RNF32: variants seen among roughly 807,000 people sequenced by gnomAD.
RNF32 encodes the protein ring finger protein 32.
RNF32 carries 36 observed loss-of-function variants against 41.0 expected under a neutral mutation model. The observed-to-expected ratio is 0.88, with a 90% CI of 0.67 to 1.16. The LOEUF is 1.16. Ranked by LOEUF, RNF32 falls within the 50% of genes most tolerant of loss-of-function variation. The probability of loss-of-function intolerance (pLI) is 0.00; values close to 1 mark genes in which losing one functional copy is unlikely to be tolerated. For missense variants in RNF32, 413 were observed against 436.7 expected (o/e 0.95, Z 0.48); for synonymous variants, 154 against 160.9 (o/e 0.96, Z 0.32).
intron 7 of RNF32, 159 bp downstream of exon 7, chr7:156,658,729 AGTTG>A: frequency 1.3e-6 from 1 of 769,254 alleles, no homozygotes; most frequent in Non-Finnish European, 2.1e-6. Flanking sequence ...GTTTAACTTT[AGTTG>A]GCTTTCCAAC....
chr7:156,663,074 T>C (rs953634167), intron 7 of RNF32, among the ~76,000 whole-genome samples: 10 of 152,096 alleles, frequency 6.6e-5, no homozygotes, highest in Non-Finnish European at 1.3e-4. Flanking sequence ...GATCTCGTGA[T>C]CCACCAGCCT....
chr7:156,667,881 A>G (rs1421157626), intron 7 of RNF32, among the ~76,000 whole-genome samples: 1 of 152,220 alleles, frequency 6.6e-6, no homozygotes, highest in Non-Finnish European at 1.5e-5. Flanking sequence ...ATTTATTAAT[A>G]AGCTAATGTC....
intron 4 of RNF32, among the ~76,000 whole-genome samples, chr7:156,656,543 G>A (rs1229969640): frequency 6.6e-6 from 1 of 152,150 alleles, no homozygotes; most frequent in East Asian, 1.9e-4. Context: ...TCAAGAAAAG[G>A]TTTTACAACT....
intron 3 of RNF32, among the ~76,000 whole-genome samples, chr7:156,648,872 GT>G (rs537351241): frequency 1.2e-4 from 18 of 151,288 alleles, no homozygotes; most frequent in South Asian, 2.1e-4. Context: ...GTTTTGTTTT[GT>G]TTTTTTCACT....
At chr7:156,675,261 T>C (rs1177064691) in intron 7 of RNF32, among the ~76,000 whole-genome samples, 1 of 152,190 alleles carries the variant, frequency 6.6e-6, no homozygotes, top group African/African-American at 2.4e-5. Context: ...GGGTGGTCGG[T>C]GGGAACCACG....
intron 4 of RNF32, among the ~76,000 whole-genome samples, chr7:156,655,824 G>C (rs1417658698): frequency 2.0e-5 from 3 of 152,226 alleles, no homozygotes; most frequent in Non-Finnish European, 2.9e-5. Flanking sequence ...AATAAAGCCA[G>C]AGGGTGTCTT....
intron 3 of RNF32, among the ~76,000 whole-genome samples, chr7:156,645,633 A>G (rs762005959): frequency 1.6e-4 from 24 of 152,266 alleles, no homozygotes; most frequent in Non-Finnish European, 1.2e-4. Context: ...TGCAGAAGGC[A>G]TGTAGGCTAA....
chr7:156,674,222 G>A (rs926728185), intron 7 of RNF32, among the ~76,000 whole-genome samples: 2 of 152,228 alleles, frequency 1.3e-5, no homozygotes, highest in Non-Finnish European at 2.9e-5. Flanking sequence ...AGCCTGTGGG[G>A]CTCGGGAACT....
rs1349450828 is a variant in RNF32 at position 156,643,869 on chromosome 7, T to C, written c.-9T>C. On this transcript the variant is annotated 5_prime_UTR_variant, in exon 2 of 9. Transcript: ENST00000317955. ...GTGATAGCCAAGCAACAACTTTTCC[T>C]AATTCGGCATGTTAAAAAATAAGGT... is the stretch of plus-strand genomic sequence containing the variant. 3.1e-6 allele frequency: 5 copies of C among 1,611,574 alleles called. No individual in the cohort carries two copies. The highest frequency in any genetic ancestry group is 4.2e-6 in the Non-Finnish European group (5 of 1,177,850).
intron 7 of RNF32, among the ~76,000 whole-genome samples, chr7:156,672,248 C>T (rs917821960): frequency 3.9e-5 from 6 of 152,146 alleles, no homozygotes; most frequent in Non-Finnish European, 8.8e-5. Flanking sequence ...CTACTATGGT[C>T]GGTGCGTGTA....
At chr7:156,644,994 T>C (rs1479265732) in intron 3 of RNF32, among the ~76,000 whole-genome samples, 1 of 152,116 alleles carries the variant, frequency 6.6e-6, no homozygotes, top group Non-Finnish European at 1.5e-5. Flanking sequence ...AAAAGAAATA[T>C]CTATTGATTC....
In RNF32 at chr7:156,675,698, C is replaced by G. The variant is rs374206222; in HGVS notation, c.687C>G (p.Phe229Leu). ...ACCCGCCCCCGCCTCCTCCTCAGTT[C>G]ACAGAAATCAGCCACCGCATCCTGT... ...KLRKKFFEKK[F>L]TEISHRILCS... The change falls in exon 8 of 9, where the codon TTC (phenylalanine) becomes TTG (leucine). Residue 229 changes from phenylalanine (F) to leucine (L), a missense_variant and splice_region_variant. Coordinates refer to ENST00000317955, the MANE Select transcript of RNF32 (RefSeq NM_030936.4). 176 of 1,529,684 alleles carry G rather than the reference C, an allele frequency of 1.2e-4. No homozygotes were observed. The highest frequency in any genetic ancestry group is 1.7e-4 in the Admixed American group (10 of 59,714). 94.8% of individuals were successfully genotyped at this position (1,529,684 alleles called of 1,614,324 possible).
chr7:156,659,230 T>C, intron 7 of RNF32: 2 of 1,095,798 alleles, frequency 1.8e-6, no homozygotes, highest in African/African-American at 1.6e-5. Flanking sequence ...CTGGCAGTGT[T>C]GGCCTGAGAA....
chr7:156,657,208 CCCT>C (rs926279195), intron 4 of RNF32, among the ~76,000 whole-genome samples: 3 of 152,156 alleles, frequency 2.0e-5, no homozygotes, highest in Admixed American at 6.5e-5. Context: ...GGACAGGCCC[CCCT>C]CCTCACCCCT....
chr7:156,673,658 A>G (rs901096970), intron 7 of RNF32, among the ~76,000 whole-genome samples: 3 of 152,166 alleles, frequency 2.0e-5, no homozygotes, highest in African/African-American at 7.2e-5. Context: ...ACCCTTGTGG[A>G]CTGCCTGCTG....
chr7:156,644,902 G>T (rs1201075498), intron 3 of RNF32, 145 bp downstream of exon 3: 2 of 794,848 alleles, frequency 2.5e-6, no homozygotes, highest in Non-Finnish European at 3.8e-6. Context: ...TGTATGTATT[G>T]AAGTTTAAAA....
At chr7:156,666,025 GT>G (rs1391518824) in intron 7 of RNF32, among the ~76,000 whole-genome samples, 1 of 152,152 alleles carries the variant, frequency 6.6e-6, no homozygotes, top group Non-Finnish European at 1.5e-5. Flanking sequence ...GTGAAAACTT[GT>G]TTGCTATACT....
intron 3 of RNF32, among the ~76,000 whole-genome samples, chr7:156,650,107 G>A (rs555039467): frequency 6.6e-6 from 1 of 152,366 alleles, no homozygotes; most frequent in Admixed American, 6.5e-5. Context: ...CACACTGAAA[G>A]TGATGTAAAG....
At chr7:156,659,509 C>A in intron 7 of RNF32, 4 of 985,222 alleles carry the variant, frequency 4.1e-6, no homozygotes, top group Non-Finnish European at 4.8e-6. Context: ...GTTCTCTGGG[C>A]TACTCTTAGT....
Sources: gnomAD v4.1 joint callset for allele counts (sites outside exome capture counted in the v4.1 genomes callset) on GRCh38, gnomAD v4.1.1 for gene constraint, MANE v1.5 for transcripts, NCBI Gene and HGNC (gene_info 2026-07-23, HGNC 2026-07-21) for gene names.